The following SCHIP1 variants were observed in gnomAD, a reference collection of about 807,000 sequenced individuals.
SCHIP1 encodes the protein schwannomin interacting protein 1.
Under a neutral mutation model 29.7 loss-of-function variants are expected in SCHIP1, and 8 were observed. The observed-to-expected ratio is 0.27, with a 90% CI of 0.16 to 0.49. SCHIP1 has a LOEUF of 0.49. SCHIP1 is among the 20% of genes least tolerant of loss of function. The pLI is 0.99. For missense variants in SCHIP1, 193 were observed against 294.6 expected (o/e 0.66, Z 2.52); for synonymous variants, 76 against 94.9 (o/e 0.80, Z 1.16).
At chr3:159,457,558 T>C in the SCHIP1 span, among the ~76,000 whole-genome samples, 7 of 152,106 alleles carry the variant, frequency 4.6e-5, no homozygotes, top group African/African-American at 1.4e-4. Context: ...GAATGTTTAG[T>C]TTTATTAATA....
chr3:159,450,782 T>G, the SCHIP1 span, among the ~76,000 whole-genome samples: 3 of 151,176 alleles, frequency 2.0e-5, no homozygotes, highest in African/African-American at 7.3e-5. Context: ...ATGTTCAAAA[T>G]ACCTAACTTT....
At chr3:159,823,487 C>CT in the SCHIP1 span, among the ~76,000 whole-genome samples, 8 of 152,250 alleles carry the variant, frequency 5.3e-5, no homozygotes, top group East Asian at 1.3e-3. Flanking sequence ...TATGGTAGAG[C>CT]TCAGTGTTGG....
chr3:159,859,992 TGTGC>T (rs754983029), intron 1 of SCHIP1, among the ~76,000 whole-genome samples: 8 of 151,462 alleles, frequency 5.3e-5, no homozygotes, highest in African/African-American at 1.9e-4. Flanking sequence ...TGTGTGTGTG[TGTGC>T]GTGTGTGTGT....
the SCHIP1 span, among the ~76,000 whole-genome samples, chr3:159,487,358 C>T: frequency 0.44 from 67,448 of 151,810 alleles, 15,805 homozygotes; most frequent in East Asian, 0.68. Context: ...CCATGGTTTA[C>T]GGCTGGAGGT....
the SCHIP1 span, among the ~76,000 whole-genome samples, chr3:159,607,578 G>A: frequency 1.3e-5 from 2 of 152,138 alleles, no homozygotes; most frequent in African/African-American, 4.8e-5. Flanking sequence ...GGGCCACAGA[G>A]AATGGCTGCA....
chr3:159,646,385 C>G, the SCHIP1 span, among the ~76,000 whole-genome samples: 1 of 152,140 alleles, frequency 6.6e-6, no homozygotes, highest in Non-Finnish European at 1.5e-5. Flanking sequence ...TTCTGGCTCT[C>G]TACATGCAGT....
At chr3:159,626,268 A>C in the SCHIP1 span, among the ~76,000 whole-genome samples, 10 of 141,622 alleles carry the variant, frequency 7.1e-5, no homozygotes, top group Non-Finnish European at 1.3e-4. Context: ...AGATAGATAG[A>C]TAGATAGATA....
At chr3:159,467,275 G>A in the SCHIP1 span, among the ~76,000 whole-genome samples, 1 of 151,862 alleles carries the variant, frequency 6.6e-6, no homozygotes, top group Non-Finnish European at 1.5e-5. Flanking sequence ...CTCTTTAGTG[G>A]GCGTTTTAGT....
chr3:159,401,459 G>GT, the SCHIP1 span: 16 of 612,926 alleles, frequency 2.6e-5, no homozygotes, highest in Non-Finnish European at 2.9e-5. Context: ...TTATATGCCT[G>GT]GCACAGGCAT....
the SCHIP1 span, among the ~76,000 whole-genome samples, chr3:159,493,742 C>A: frequency 1.3e-5 from 2 of 152,042 alleles, no homozygotes; most frequent in African/African-American, 4.8e-5. Flanking sequence ...CAGCTCTGCA[C>A]CAAGCGGACC....
At chr3:159,633,842 T>A in the SCHIP1 span, among the ~76,000 whole-genome samples, 1 of 152,198 alleles carries the variant, frequency 6.6e-6, no homozygotes, top group East Asian at 1.9e-4. Context: ...TCTGATGTGA[T>A]GAAATATTTG....
At chr3:159,467,599 G>C in the SCHIP1 span, among the ~76,000 whole-genome samples, 21 of 151,828 alleles carry the variant, frequency 1.4e-4, no homozygotes, top group Non-Finnish European at 1.6e-4. Flanking sequence ...TGAAAAATAG[G>C]AGTACATAAT....
At chr3:159,734,530 G>A in the SCHIP1 span, among the ~76,000 whole-genome samples, 6 of 152,002 alleles carry the variant, frequency 3.9e-5, no homozygotes, top group African/African-American at 9.6e-5. Context: ...GACTCTCCCC[G>A]CCCTCAGTCA....
chr3:159,439,748 T>G, the SCHIP1 span, among the ~76,000 whole-genome samples: 1 of 152,178 alleles, frequency 6.6e-6, no homozygotes, highest in South Asian at 2.1e-4. Flanking sequence ...TCTTGTAAAT[T>G]TGTTTAAGCT....
At chr3:159,764,563 T>A in the SCHIP1 span, 2 of 1,603,152 alleles carry the variant, frequency 1.2e-6, no homozygotes, top group Non-Finnish European at 1.7e-6. This position sits in a 1 kb window ranked among gnomAD's most constrained non-coding sequence, Gnocchi z 6.1. Context: ...CAAATCTTCA[T>A]CGTCGCCGGG....
At chr3:159,410,270 G>A in the SCHIP1 span, among the ~76,000 whole-genome samples, 185 of 152,092 alleles carry the variant, frequency 1.2e-3, 2 homozygotes, top group South Asian at 0.03. Context: ...AGCAAAAATG[G>A]ACAAGTGAGA....
chr3:159,707,034 A>C, the SCHIP1 span, among the ~76,000 whole-genome samples: 7 of 152,226 alleles, frequency 4.6e-5, no homozygotes, highest in Non-Finnish European at 1.0e-4. Context: ...AGTCTAGAGG[A>C]GAGAAGGTAG....
At chr3:159,475,723 A>G in the SCHIP1 span, among the ~76,000 whole-genome samples, 1 of 152,142 alleles carries the variant, frequency 6.6e-6, no homozygotes, top group African/African-American at 2.4e-5. Context: ...AATTTTTCAT[A>G]TATATGATCT....
chr3:159,817,883 C>T, the SCHIP1 span, among the ~76,000 whole-genome samples: 1 of 152,176 alleles, frequency 6.6e-6, no homozygotes, highest in Admixed American at 6.5e-5. Context: ...CTAGGGCCCT[C>T]ATTGTTTTGA....
Sources: allele counts gnomAD v4.1 joint callset (sites outside exome capture counted in the v4.1 genomes callset), GRCh38; gene constraint gnomAD v4.1.1; non-coding constraint Gnocchi (gnomAD v3.1); transcripts MANE v1.5; gene names NCBI Gene and HGNC (gene_info 2026-07-23, HGNC 2026-07-21).